Variants in EPG5 observed in about 807,000 individuals in gnomAD.
The protein encoded by EPG5 is ectopic P granules protein 5 homolog.
A neutral mutation model predicts 302.7 loss-of-function variants in EPG5; 159 were observed. The ratio of observed to expected loss-of-function variants is 0.53; its 90% CI spans 0.46 to 0.60. The LOEUF (loss-of-function observed/expected upper bound fraction) is 0.60, where lower values mean the gene tolerates loss of function less well. EPG5 is among the 20% of genes least tolerant of loss of function. The pLI, the probability that EPG5 is intolerant of heterozygous loss-of-function variation, is 0.00. For missense variants in EPG5, 2,896 were observed against 3,092.4 expected, an observed-to-expected ratio of 0.94 and a Z score of 1.51; for synonymous variants, 1,158 against 1,136.8, an observed-to-expected ratio of 1.02 and a Z score of -0.37.
At position 45,852,564 on chromosome 18, in the gene EPG5, C is replaced by T; in HGVS notation, c.7643G>A (p.Arg2548Lys). 1 of 1,614,086 alleles carries T rather than the reference C, an allele frequency of 6.2e-7. No individual in the cohort carries two copies. The highest frequency in any genetic ancestry group is 8.5e-7 in the Non-Finnish European group (1 of 1,179,986). The change falls in exon 44 of 44, where the codon AGG (arginine) becomes AAG (lysine). Residue 2548 changes from arginine (R) to lysine (K), a missense_variant. Physicochemically the swap from Arg to Lys is conservative, Grantham distance 26. This residue lies in a region of EPG5 where 620 missense variants were observed against 704.2 expected (regional missense o/e 0.88). Coordinates refer to ENST00000282041, the MANE Select transcript of EPG5 (RefSeq NM_020964.3). ...DQILQATQFI[R>K]HPGHCLQDGK... is the part of the protein sequence containing the mutation. ...ATCTTGAAGGCAATGGCCAGGATGC[C>T]TTATAAATTGGGTGGCTTGCAATAT...
intron 40 of EPG5, 24 bp from the exon 41 acceptor site, chr18:45,858,806 C>G (rs554590018): frequency 6.6e-7 from 1 of 1,516,952 alleles, no homozygotes; most frequent in South Asian, 1.1e-5. Flanking sequence ...GAAGAGACAT[C>G]AAGATATAGG....
chr18:45,923,504 T>C, intron 14 of EPG5, 117 bp from the exon 15 acceptor site: 2 of 1,155,192 alleles, frequency 1.7e-6, no homozygotes, highest in South Asian at 1.6e-5. Flanking sequence ...AGAAGCTAAA[T>C]GTTCCAAAAA....
At chr18:45,823,763 T>C in the EPG5 span, among the ~76,000 whole-genome samples, 1 of 152,176 alleles carries the variant, frequency 6.6e-6, no homozygotes, top group African/African-American at 2.4e-5. Context: ...GGAAAGGCGA[T>C]GGAACAGACC....
Position 45,865,577 on chromosome 18 carries a change from T to C in EPG5, c.6766+38A>G, listed in dbSNP as rs756492791. 1.8e-5 allele frequency: 29 copies of C among 1,608,398 alleles called. No individual in the cohort carries two copies. The East Asian group carries it at 6.2e-4, about 35-fold the overall frequency. ...TGCCTTACGCACAGCAGGAATGCAT[T>C]GACTGAATGAATACAGGACTTCCGA... On this transcript the variant is annotated intron_variant, in intron 39 of 43. Transcript: ENST00000282041.
chr18:45,849,131 C>A lies in EPG5; in HGVS notation c.*3336G>T, dbSNP rs2048392625. On this transcript the variant is annotated 3_prime_UTR_variant, in exon 44 of 44. Coordinates refer to ENST00000282041, the MANE Select transcript of EPG5 (RefSeq NM_020964.3). ...TTGGGGGATTTAGCTTGGATTTAGC[C>A]TAAGAGGTGAGGGGTGGGGTGGAAG... is the stretch of plus-strand genomic sequence containing the variant. The A allele has an allele frequency of 6.7e-6, 1 of 150,198 alleles. No individual in the cohort carries two copies. The highest frequency in any genetic ancestry group is 6.6e-5 in the Admixed American group (1 of 15,070). The allele number at this position is 150,198 out of a possible 1,614,324, so 9.3% of individuals were successfully genotyped here.
intron 27 of EPG5, among the ~76,000 whole-genome samples, chr18:45,898,689 T>C (rs1254995296): frequency 1.3e-5 from 2 of 152,184 alleles, no homozygotes; most frequent in Admixed American, 1.3e-4. Flanking sequence ...TTCCCAATGA[T>C]GGTGCACACC....
chr18:45,835,375 T>C, the EPG5 span, among the ~76,000 whole-genome samples: 1 of 152,202 alleles, frequency 6.6e-6, no homozygotes, highest in Admixed American at 6.5e-5. Context: ...TTCATGCATA[T>C]GGACTGCATC....
intron 16 of EPG5, among the ~76,000 whole-genome samples, chr18:45,921,275 G>A (rs2050149733): frequency 2.0e-5 from 3 of 152,198 alleles, no homozygotes; most frequent in African/African-American, 7.2e-5. Flanking sequence ...TACACTTACT[G>A]TGGAACAAGA....
At chr18:45,934,672 G>T in intron 11 of EPG5, 137 bp downstream of exon 11, 1 of 991,650 alleles carries the variant, frequency 1.0e-6, no homozygotes, top group Non-Finnish European at 1.4e-6. Context: ...GCAGTCTCCT[G>T]AATTTCAAAA....
At chr18:45,815,297 TG>T in the EPG5 span, among the ~76,000 whole-genome samples, 970 of 152,284 alleles carry the variant, frequency 6.4e-3, 8 homozygotes, top group African/African-American at 0.022. Flanking sequence ...TTTATGACTA[TG>T]AATGGAGCTG....
intron 8 of EPG5, 26 bp downstream of exon 8, chr18:45,943,979 T>A: frequency 1.4e-6 from 2 of 1,471,188 alleles, no homozygotes; most frequent in Non-Finnish European, 1.9e-6. Flanking sequence ...ACTACCACAT[T>A]TTACACTTAA....
At chr18:45,893,739 A>G (rs2049405459) in intron 27 of EPG5, among the ~76,000 whole-genome samples, 2 of 152,200 alleles carry the variant, frequency 1.3e-5, no homozygotes, top group South Asian at 4.1e-4. Context: ...AAAAATATAC[A>G]GTAAGCAGTG....
chr18:45,917,915 T>G (rs2050069294), intron 16 of EPG5, 96 bp from the exon 17 acceptor site: 1 of 1,284,608 alleles, frequency 7.8e-7, no homozygotes, highest in Non-Finnish European at 1.1e-6. Flanking sequence ...CCTTGGGTTA[T>G]CTCAGGTCTC....
chr18:45,852,674 G>C (rs376269151), intron 43 of EPG5, 25 bp from the exon 44 acceptor site: 1 of 1,605,288 alleles, frequency 6.2e-7, no homozygotes, highest in Non-Finnish European at 8.5e-7. Flanking sequence ...AGATGAGAGG[G>C]TTAACTCCAT....
At chr18:45,838,592 G>C in the EPG5 span, 1 of 1,285,198 alleles carries the variant, frequency 7.8e-7, no homozygotes, top group Non-Finnish European at 1.0e-6. Flanking sequence ...GTATTGGGAC[G>C]GGGGCAGCCT....
intron 1 of EPG5, among the ~76,000 whole-genome samples, chr18:45,965,589 C>A (rs1404941163): frequency 6.6e-6 from 1 of 152,214 alleles, no homozygotes; most frequent in Non-Finnish European, 1.5e-5. Context: ...ATTACAGTAT[C>A]ATGCTTAAAT....
At chr18:45,931,455 T>C (rs904770890) in intron 11 of EPG5, among the ~76,000 whole-genome samples, 2 of 152,188 alleles carry the variant, frequency 1.3e-5, no homozygotes, top group Non-Finnish European at 2.9e-5. Flanking sequence ...AATTCTGCCA[T>C]TAGGAAGCAA....
At chr18:45,858,487 T>G in intron 41 of EPG5, 79 bp downstream of exon 41, 3 of 1,117,474 alleles carry the variant, frequency 2.7e-6, no homozygotes, top group East Asian at 2.4e-5. Context: ...TTCTGTGTAC[T>G]TAAAGCTAGA....
chr18:45,965,928 C>G (rs370215377), intron 1 of EPG5, among the ~76,000 whole-genome samples: 5 of 151,948 alleles, frequency 3.3e-5, no homozygotes, highest in East Asian at 1.9e-4. Flanking sequence ...TGGCGCATGC[C>G]TGTAATCCCA....
Sources: gnomAD v4.1 joint callset for allele counts (sites outside exome capture counted in the v4.1 genomes callset) on GRCh38, gnomAD v4.1.1 for gene constraint, gnomAD v4.1.1 regional missense constraint, MANE v1.5 for transcripts, NCBI Gene and HGNC (gene_info 2026-07-23, HGNC 2026-07-21) for gene names.